TMC1: variants seen among roughly 807,000 people sequenced by gnomAD.
TMC1 encodes transmembrane channel-like protein 1.
In TMC1, 84 loss-of-function variants were observed where a neutral mutation model predicts 105.8. That is an observed-to-expected ratio of 0.79 (90% CI 0.67 to 0.95). The LOEUF (loss-of-function observed/expected upper bound fraction) is 0.95, where lower values mean the gene tolerates loss of function less well. TMC1 is among the 40% of genes least tolerant of loss of function. TMC1 has a pLI of 0.00. For synonymous variants in TMC1, 315 were observed against 311.5 expected, an observed-to-expected ratio of 1.01 and a Z score of -0.12; for missense variants, 817 against 914.1, an observed-to-expected ratio of 0.89 and a Z score of 1.37.
intron 2 of TMC1, among the ~76,000 whole-genome samples, chr9:72,590,381 C>T (rs1330421284): frequency 6.6e-6 from 1 of 152,140 alleles, no homozygotes; most frequent in African/African-American, 2.4e-5. Context: ...CAATCCTGGG[C>T]TATTGTAGAA....
intron 5 of TMC1, among the ~76,000 whole-genome samples, chr9:72,668,922 T>G (rs1156612027): frequency 2.6e-5 from 4 of 152,228 alleles, no homozygotes; most frequent in Admixed American, 2.6e-4. Flanking sequence ...TCAGACCTTC[T>G]GTATATTTTC....
intron 12 of TMC1, among the ~76,000 whole-genome samples, chr9:72,761,275 A>G (rs1245780966): frequency 1.3e-5 from 2 of 152,162 alleles, no homozygotes; most frequent in Non-Finnish European, 2.9e-5. Flanking sequence ...ATGATAAAGA[A>G]GAAAAGGCTA....
intron 4 of TMC1, among the ~76,000 whole-genome samples, chr9:72,634,403 A>G (rs1825498849): frequency 6.6e-6 from 1 of 152,182 alleles, no homozygotes; most frequent in South Asian, 2.1e-4. Flanking sequence ...GCTAGGGAAC[A>G]ATGTCTGGTT....
Position 72,821,086 on chromosome 9 carries a change from C to T in TMC1, c.2003+5C>T. The T allele has an allele frequency of 6.2e-7, 1 of 1,614,168 alleles. No individual in the cohort carries two copies. The highest frequency in any genetic ancestry group is 1.3e-5 in the African/African-American group (1 of 75,038). On this transcript the variant is annotated splice_donor_5th_base_variant and intron_variant, in intron 20 of 23. Coordinates refer to ENST00000297784, the MANE Select transcript of TMC1 (RefSeq NM_138691.3). Reference sequence around the variant, plus strand: ...TTTTGATTGTGGTCCATTCAGGTCTCTTGCTTTTGAAATTTGACTCAGGCA... The same window carrying T: ...TTTTGATTGTGGTCCATTCAGGTCTTTTGCTTTTGAAATTTGACTCAGGCA...
chr9:72,551,077 G>C (rs1823853470), intron 1 of TMC1, among the ~76,000 whole-genome samples: 1 of 152,100 alleles, frequency 6.6e-6, no homozygotes, highest in Non-Finnish European at 1.5e-5. Flanking sequence ...ATGGAGGAAG[G>C]GGCTGAGAGT....
intron 8 of TMC1, among the ~76,000 whole-genome samples, chr9:72,729,901 G>A (rs1827181347): frequency 6.6e-6 from 1 of 152,212 alleles, no homozygotes; most frequent in Non-Finnish European, 1.5e-5. Flanking sequence ...CCATGTAGAA[G>A]TGTTATTAGA....
intron 8 of TMC1, among the ~76,000 whole-genome samples, chr9:72,715,511 T>G (rs1474702877): frequency 6.6e-6 from 1 of 152,120 alleles, no homozygotes; most frequent in Non-Finnish European, 1.5e-5. Context: ...ATCATTGAAT[T>G]GATCTCCAAT....
At position 72,734,060 on chromosome 9, in the gene TMC1, G is replaced by A. The variant is rs1323739787; in HGVS notation, c.363-6059G>A. Reference sequence around the variant, plus strand: ...AGAGGGCTACTAACAGGAGGAGAGTGCAGACTGTGTGGATTTGCTGAACAA... The same window carrying A: ...AGAGGGCTACTAACAGGAGGAGAGTACAGACTGTGTGGATTTGCTGAACAA... On this transcript the variant is annotated intron_variant, in intron 8 of 23. Coordinates refer to ENST00000297784, the MANE Select transcript of TMC1 (RefSeq NM_138691.3). Among the ~76,000 whole-genome samples, 3 of 152,300 alleles carry A rather than the reference G, an allele frequency of 2.0e-5. No homozygotes were observed. In the East Asian group the frequency reaches 5.8e-4, roughly 29 times the overall value.
chr9:72,569,285 A>G (rs1189910435), intron 1 of TMC1, among the ~76,000 whole-genome samples: 2 of 152,312 alleles, frequency 1.3e-5, no homozygotes, highest in East Asian at 3.9e-4. Context: ...GTTCATGTTC[A>G]GTACAGATGC....
At chr9:72,744,213 T>A (rs1486084465) in intron 10 of TMC1, among the ~76,000 whole-genome samples, 1 of 152,224 alleles carries the variant, frequency 6.6e-6, no homozygotes, top group East Asian at 1.9e-4. Context: ...TTTAATTTCC[T>A]CCTTAACACT....
intron 10 of TMC1, among the ~76,000 whole-genome samples, chr9:72,745,208 A>T (rs1827469501): frequency 1.3e-5 from 2 of 152,182 alleles, no homozygotes; most frequent in African/African-American, 2.4e-5. Context: ...ACATTGTTTC[A>T]TTTAATCTTC....
intron 1 of TMC1, among the ~76,000 whole-genome samples, chr9:72,536,045 C>G (rs1286190657): frequency 6.6e-6 from 1 of 152,184 alleles, no homozygotes; most frequent in Non-Finnish European, 1.5e-5. Flanking sequence ...GCTTTGGCCC[C>G]CTAAAACTTA....
At position 72,575,306 on chromosome 9, in the gene TMC1, G is replaced by A. The variant is rs1013442671; in HGVS notation, c.-427-2596G>A. The stretch of plus-strand genomic sequence containing the variant: ...AGTGATTCTCCTGCCTCAGCCTCCC[G>A]AGTAGCTAGGACTACAGGCACCCAC... On this transcript the variant is annotated intron_variant, in intron 1 of 23. Transcript: ENST00000297784. Among the ~76,000 whole-genome samples, 9 of 151,866 alleles carry A rather than the reference G, an allele frequency of 5.9e-5. No individual in the cohort carries two copies. The South Asian group carries it at 1.3e-3, about 21-fold the overall frequency.
intron 18 of TMC1, among the ~76,000 whole-genome samples, chr9:72,814,752 G>A (rs1317234242): frequency 6.6e-6 from 1 of 152,174 alleles, no homozygotes; most frequent in East Asian, 1.9e-4. Context: ...TTGAGGCCTG[G>A]ATTCATGAGA....
At chr9:72,754,493 G>C (rs1160602618) in intron 11 of TMC1, among the ~76,000 whole-genome samples, 16 of 152,134 alleles carry the variant, frequency 1.1e-4, no homozygotes, top group Non-Finnish European at 1.8e-4. Flanking sequence ...TTCCAAGTCA[G>C]AACAGTTTGG....
chr9:72,551,954 C>G (rs1397137220), intron 1 of TMC1, among the ~76,000 whole-genome samples: 1 of 152,120 alleles, frequency 6.6e-6, no homozygotes, highest in African/African-American at 2.4e-5. Flanking sequence ...CACAGATTGT[C>G]TCTGAGAGCC....
chr9:72,797,839 G>A (rs758404934), intron 17 of TMC1, among the ~76,000 whole-genome samples: 6 of 151,970 alleles, frequency 3.9e-5, no homozygotes, highest in Non-Finnish European at 8.8e-5. Context: ...TGCCAGAAGC[G>A]ATTGCAGTGA....
At chr9:72,770,936 G>A (rs551973258) in intron 12 of TMC1, among the ~76,000 whole-genome samples, 1 of 152,140 alleles carries the variant, frequency 6.6e-6, no homozygotes, top group Admixed American at 6.5e-5. Context: ...GCTGGGGAGG[G>A]CAATCTACTT....
Position 72,788,405 on chromosome 9 carries a change from C to T in TMC1, c.951C>T (p.Val317=). Residue 317 remains valine, a synonymous_variant, in exon 14 of 24, where the codon GTC becomes GTT. Coordinates refer to ENST00000297784, the MANE Select transcript of TMC1 (RefSeq NM_138691.3). ...ACACTTTCAATTTCAGCTGGAAGGTCTTTACCAGCTGGGACTACCTGATCG... is the reference window on the plus strand; with the variant it reads ...ACACTTTCAATTTCAGCTGGAAGGTTTTTACCAGCTGGGACTACCTGATCG... ...DDNTFNFSWK[V]FTSWDYLIGN... is the part of the protein sequence containing the mutation. 2.5e-6 allele frequency: 4 copies of T among 1,613,822 alleles called. No homozygotes were observed. The East Asian group carries it at 6.7e-5, about 27-fold the overall frequency.
Sources: allele counts gnomAD v4.1 joint callset (sites outside exome capture counted in the v4.1 genomes callset), GRCh38; gene constraint gnomAD v4.1.1; transcripts MANE v1.5; gene names NCBI Gene and HGNC (gene_info 2026-07-23, HGNC 2026-07-21).